MARCHF4: variants seen among roughly 807,000 people sequenced by gnomAD.
MARCHF4 encodes the protein membrane associated ring-CH-type finger 4, also known as E3 ubiquitin-protein ligase MARCHF4.
Under a neutral mutation model 43.9 loss-of-function variants are expected in MARCHF4, and 14 were observed. The observed-to-expected ratio is 0.32, with a 90% CI of 0.21 to 0.50. The LOEUF (loss-of-function observed/expected upper bound fraction) is 0.50. Ranked by LOEUF, MARCHF4 falls within the 20% of genes least tolerant of loss-of-function variation. MARCHF4 has a pLI of 0.98. For missense variants in MARCHF4, 468 were observed against 536.7 expected (o/e 0.87, Z 1.27); for synonymous variants, 226 against 213.3 (o/e 1.06, Z -0.52).
At chr2:216,313,903 T>G (rs1173411313) in intron 1 of MARCHF4, among the ~76,000 whole-genome samples, 1 of 152,166 alleles carries the variant, frequency 6.6e-6, no homozygotes. Flanking sequence ...TGGGAAGCAC[T>G]TAGGGCTAAG....
At chr2:216,349,312 T>G (rs1011092439) in intron 1 of MARCHF4, among the ~76,000 whole-genome samples, 3 of 152,360 alleles carry the variant, frequency 2.0e-5, no homozygotes, top group African/African-American at 7.2e-5. Context: ...AAACAAGTTT[T>G]TCTTCAGTGG....
chr2:216,372,339 C>G lies in MARCHF4; in HGVS notation c.-2079G>C, dbSNP rs1244822571. Among the ~76,000 whole-genome samples, 1 of 152,124 alleles carries G rather than the reference C, an allele frequency of 6.6e-6. No individual in the cohort carries two copies. The highest frequency in any genetic ancestry group is 1.5e-5 in the Non-Finnish European group (1 of 68,032). ...GGCCGCCGCTGCTGCATTCAGCACC[C>G]CGGGCGAGTGGACAGCTCCCACCCA... is the stretch of plus-strand genomic sequence containing the variant. On this transcript the variant is annotated 5_prime_UTR_variant, in exon 1 of 4. Coordinates refer to ENST00000273067, the MANE Select transcript of MARCHF4 (RefSeq NM_020814.3).
Position 216,259,488 on chromosome 2 carries a change from C to T in MARCHF4, c.1057G>A (p.Gly353Ser), listed in dbSNP as rs770777254. ...NIPSSEEETA[G>S]TPAPEQGPAQ... is the part of the protein sequence containing the mutation. Reference sequence around the variant, plus strand: ...GGGCCCTGCTCAGGGGCAGGGGTGCCTGCGGTCTCCTCTTCCGAGGAGGGG... The same window carrying T: ...GGGCCCTGCTCAGGGGCAGGGGTGCTTGCGGTCTCCTCTTCCGAGGAGGGG... Residue 353 changes from glycine to serine, a missense_variant, in exon 4 of 4, where the codon GGC becomes AGC. Physicochemically the swap from Gly to Ser is moderately conservative, Grantham distance 56 (BLOSUM62 0). This residue lies in a region of MARCHF4 where 120 missense variants were observed against 127.1 expected (regional missense o/e 0.94). Transcript: ENST00000273067. 6.2e-6 allele frequency: 10 copies of T among 1,614,062 alleles called. No homozygotes were observed. The highest frequency in any genetic ancestry group is 8.5e-6 in the Non-Finnish European group (10 of 1,180,032).
intron 1 of MARCHF4, among the ~76,000 whole-genome samples, chr2:216,320,366 A>C (rs1472980375): frequency 1.3e-5 from 2 of 152,220 alleles, no homozygotes; most frequent in Non-Finnish European, 2.9e-5. Flanking sequence ...CAGGTTCTCT[A>C]ATAAGCATTT....
At position 216,282,323 on chromosome 2, in the gene MARCHF4, A is replaced by G. The variant is rs111954562; in HGVS notation, c.672+1251T>C. Among the ~76,000 whole-genome samples the G allele has an allele frequency of 2.4e-4, 37 of 152,088 alleles. 1 individual carries two copies. The highest frequency in any genetic ancestry group is 8.9e-4 in the African/African-American group (37 of 41,472). Reference sequence around the variant, plus strand: ...ACATACACACACACTCATTCCTGGGATTGCCCCATGTAAAACTCTATGGGG... The same window carrying G: ...ACATACACACACACTCATTCCTGGGGTTGCCCCATGTAAAACTCTATGGGG... On this transcript the variant is annotated intron_variant, in intron 2 of 3. Transcript: ENST00000273067.
chr2:216,292,697 C>T (rs1282779913), intron 1 of MARCHF4, among the ~76,000 whole-genome samples: 1 of 152,038 alleles, frequency 6.6e-6, no homozygotes, highest in Admixed American at 6.6e-5. Flanking sequence ...TGATATTGAC[C>T]AACTATTTGT....
intron 3 of MARCHF4, among the ~76,000 whole-genome samples, chr2:216,277,213 G>A (rs1574461278): frequency 6.6e-6 from 1 of 152,218 alleles, no homozygotes; most frequent in Non-Finnish European, 1.5e-5. Context: ...ATTGAAACAG[G>A]CTTAGAGAAA....
intron 1 of MARCHF4, among the ~76,000 whole-genome samples, chr2:216,350,522 C>T (rs1036362084): frequency 1.3e-5 from 2 of 148,410 alleles, no homozygotes; most frequent in African/African-American, 4.9e-5. Context: ...ACCACTGTGC[C>T]ACACCACCAC....
At chr2:216,326,097 C>T (rs1443721619) in intron 1 of MARCHF4, among the ~76,000 whole-genome samples, 1 of 144,848 alleles carries the variant, frequency 6.9e-6, no homozygotes, top group Admixed American at 7.0e-5. Flanking sequence ...CTACAATGAA[C>T]TCAAACAAAT....
intron 1 of MARCHF4, among the ~76,000 whole-genome samples, chr2:216,334,406 C>T (rs1692126833): frequency 6.6e-6 from 1 of 151,940 alleles, no homozygotes; most frequent in African/African-American, 2.4e-5. Flanking sequence ...AGGTGATATG[C>T]TAACATCTTT....
chr2:216,343,251 A>T (rs1692261484), intron 1 of MARCHF4, among the ~76,000 whole-genome samples: 2 of 152,162 alleles, frequency 1.3e-5, no homozygotes, highest in Non-Finnish European at 2.9e-5. Flanking sequence ...ACAGATATTT[A>T]TTTCTCCCAG....
intron 1 of MARCHF4, among the ~76,000 whole-genome samples, chr2:216,345,943 CA>C (rs979463065): frequency 6.6e-6 from 1 of 152,238 alleles, no homozygotes; most frequent in African/African-American, 2.4e-5. Context: ...AGCAGCCTGG[CA>C]AAGAGCTGAT....
intron 1 of MARCHF4, among the ~76,000 whole-genome samples, chr2:216,360,275 C>T (rs1459887369): frequency 6.6e-6 from 1 of 152,076 alleles, no homozygotes; most frequent in Non-Finnish European, 1.5e-5. Context: ...TTTCTTCAAA[C>T]TTAACATTTG....
At position 216,369,795 on chromosome 2, in the gene MARCHF4, T is replaced by C; in HGVS notation, c.466A>G (p.Ser156Gly). Residue 156 changes from serine (S) to glycine (G), a missense_variant, in exon 1 of 4, where the codon AGT (serine) becomes GGT (glycine). Ser to Gly is a moderately conservative substitution (Grantham distance 56). This residue lies in a region of MARCHF4 where 158 missense variants were observed against 251.1 expected (regional missense o/e 0.63). Coordinates refer to ENST00000273067, the MANE Select transcript of MARCHF4 (RefSeq NM_020814.3). ...DRYSLGSSLD[S>G]GMRTPLCRIC... ...CGGCAGAGTGGGGTCCTCATACCAC[T>C]GTCCAAGCTGCTGCCCAGTGAGTAG... 1 of 1,612,348 alleles carries C rather than the reference T, an allele frequency of 6.2e-7. No individual in the cohort carries two copies.
At chr2:216,354,935 C>A (rs964454175) in intron 1 of MARCHF4, among the ~76,000 whole-genome samples, 4 of 135,438 alleles carry the variant, frequency 3.0e-5, no homozygotes, top group African/African-American at 8.7e-5. Flanking sequence ...TTCTTTCTTT[C>A]TTTCTTTCTT....
In MARCHF4 at chr2:216,365,678, C is replaced by T. The variant is rs1351598201; in HGVS notation, c.516+4067G>A. Among the ~76,000 whole-genome samples, 8 of 152,344 alleles carry T rather than the reference C, an allele frequency of 5.3e-5. No homozygotes were observed. In the East Asian group the frequency reaches 1.5e-3, roughly 29 times the overall value. On this transcript the variant is annotated intron_variant, in intron 1 of 3. Transcript: ENST00000273067. The stretch of plus-strand genomic sequence containing the variant: ...CTCTAACTAACTGTAGATAAAGTGG[C>T]AAATTCCCCGACTTGTCTTTTTGAG...
intron 1 of MARCHF4, among the ~76,000 whole-genome samples, chr2:216,349,039 A>G (rs1323419376): frequency 6.6e-6 from 1 of 151,620 alleles, no homozygotes; most frequent in Non-Finnish European, 1.5e-5. Context: ...TTTGCCAACT[A>G]TCGGTCAGTT....
intron 1 of MARCHF4, among the ~76,000 whole-genome samples, chr2:216,338,642 A>G (rs1039510550): frequency 6.6e-5 from 10 of 152,014 alleles, no homozygotes; most frequent in African/African-American, 1.9e-4. Context: ...TTGCAGCTCC[A>G]CTGCCACCTC....
At chr2:216,364,811 C>G (rs1375015014) in intron 1 of MARCHF4, among the ~76,000 whole-genome samples, 1 of 152,172 alleles carries the variant, frequency 6.6e-6, no homozygotes, top group East Asian at 1.9e-4. Flanking sequence ...ACAGTTATCC[C>G]CATTTGGCTA....
Sources: gnomAD v4.1 joint callset for allele counts (sites outside exome capture counted in the v4.1 genomes callset) on GRCh38, gnomAD v4.1.1 for gene constraint, gnomAD v4.1.1 regional missense constraint, MANE v1.5 for transcripts, NCBI Gene and HGNC (gene_info 2026-07-23, HGNC 2026-07-21) for gene names.